Variants in PRLR observed in about 807,000 individuals in gnomAD.
The protein encoded by PRLR is prolactin receptor.
Under a neutral mutation model 40.2 loss-of-function variants are expected in PRLR, and 13 were observed. The observed-to-expected ratio is 0.32, with a 90% CI of 0.21 to 0.51. The LOEUF is 0.51. Among genes scored for constraint, PRLR ranks in the 20% least tolerant of loss-of-function variants. The pLI is 0.97. For synonymous variants in PRLR, 269 were observed against 278.7 expected (o/e 0.97, Z 0.35); for missense variants, 656 against 747.3 (o/e 0.88, Z 1.42).
In PRLR at chr5:35,086,551, C is replaced by A. The variant is rs1260571661; in HGVS notation, c.71-211G>T. On this transcript the variant is annotated intron_variant, in intron 3 of 9. Transcript: ENST00000618457. ...TGATGTTGGCATTGCTCTTAGAGAG[C>A]ATTTTGCTGGTGTGTGTGTGTGTGT... Among the ~76,000 whole-genome samples the A allele has an allele frequency of 2.0e-5, 3 of 148,810 alleles. No homozygotes were observed. In the East Asian group the frequency reaches 5.8e-4, roughly 29 times the overall value.
chr5:35,229,088 C>T (rs1483559568), intron 1 of PRLR, among the ~76,000 whole-genome samples: 1 of 149,718 alleles, frequency 6.7e-6, no homozygotes, highest in Non-Finnish European at 1.5e-5. Flanking sequence ...TTCAGCACTT[C>T]CACCTCATTA....
intron 1 of PRLR, among the ~76,000 whole-genome samples, chr5:35,137,847 T>A (rs2962111): frequency 0.21 from 31,689 of 152,120 alleles, 5,984 homozygotes; most frequent in African/African-American, 0.5. Flanking sequence ...GGGAAGCAGA[T>A]TCGCTTGAAC....
downstream of PRLR, among the ~76,000 whole-genome samples, chr5:35,055,509 AG>A (rs1473214112): frequency 6.6e-6 from 1 of 152,180 alleles, no homozygotes; most frequent in African/African-American, 2.4e-5. Context: ...GCCATGGGTG[AG>A]TGTCCTAAGA....
chr5:35,118,768 A>G (rs1358546065), intron 1 of PRLR, among the ~76,000 whole-genome samples: 1 of 152,012 alleles, frequency 6.6e-6, no homozygotes, highest in Non-Finnish European at 1.5e-5. Flanking sequence ...GGAGGCATGA[A>G]GGGACAACTG....
chr5:35,160,601 C>A (rs1160660905), intron 1 of PRLR, among the ~76,000 whole-genome samples: 1 of 152,166 alleles, frequency 6.6e-6, no homozygotes, highest in African/African-American at 2.4e-5. Context: ...AGGCTGGTCA[C>A]AAGATATGCA....
In PRLR at chr5:35,058,517, C is replaced by T. The variant is rs1185731013; in HGVS notation, c.*6572G>A. On this transcript the variant is annotated 3_prime_UTR_variant, in exon 10 of 10. Transcript: ENST00000618457. ...ATTGTACTTTAAATGTGTAACACCC[C>T]AGAGCAGCTGTACAATGAATGACAT... 4 of 152,176 alleles carry T rather than the reference C, an allele frequency of 2.6e-5. No homozygotes were observed. Among genetic ancestry groups the T allele is most frequent in the African/African-American group, 7.2e-5 (3 of 41,440 alleles). The allele number at this position is 152,176 out of a possible 1,614,324, so 9.4% of individuals were successfully genotyped here.
intron 1 of PRLR, among the ~76,000 whole-genome samples, chr5:35,214,585 T>A (rs141748734): frequency 2.6e-5 from 4 of 152,282 alleles, no homozygotes; most frequent in African/African-American, 9.6e-5. Context: ...TCAAGAGAAG[T>A]AAAACTTCCC....
intron 1 of PRLR, among the ~76,000 whole-genome samples, chr5:35,155,562 CT>C (rs1483958221): frequency 6.6e-6 from 1 of 152,166 alleles, no homozygotes; most frequent in African/African-American, 2.4e-5. Flanking sequence ...AACAAAACTT[CT>C]GTTTAAAATG....
rs892101387 is a variant in PRLR, at chr5:35,134,993, GT to G, written c.-105-16872del. Among the ~76,000 whole-genome samples, 97 of 151,838 alleles carry G rather than the reference GT, an allele frequency of 6.4e-4. 1 individual carries two copies. The highest frequency in any genetic ancestry group is 6.0e-3 in the Admixed American group (91 of 15,246). ...TCTATAACATTGGACTGAGGAACAT[GT>G]TTTTTTTCCCCTTTTAAATCTACTG... On this transcript the variant is annotated intron_variant, in intron 1 of 9. Coordinates refer to ENST00000618457, the MANE Select transcript of PRLR (RefSeq NM_000949.7).
chr5:35,098,071 A>G (rs1771644687), intron 2 of PRLR, among the ~76,000 whole-genome samples: 1 of 152,126 alleles, frequency 6.6e-6, no homozygotes, highest in Non-Finnish European at 1.5e-5. Context: ...GCATATTCCT[A>G]CCCACTGTCA....
intron 8 of PRLR, among the ~76,000 whole-genome samples, chr5:35,049,764 T>A (rs115716027): frequency 0.015 from 2,271 of 152,282 alleles, 53 homozygotes; most frequent in African/African-American, 0.051. Flanking sequence ...TTTTCTGTAC[T>A]TGACTAATTA....
intron 1 of PRLR, among the ~76,000 whole-genome samples, chr5:35,177,371 G>A (rs1408348163): frequency 6.6e-6 from 1 of 152,050 alleles, no homozygotes; most frequent in Non-Finnish European, 1.5e-5. Context: ...GTGGTTTTTG[G>A]TATATTCACA....
downstream of PRLR, among the ~76,000 whole-genome samples, chr5:35,054,374 G>A (rs1768621750): frequency 6.6e-6 from 1 of 152,168 alleles, no homozygotes; most frequent in South Asian, 2.1e-4. Context: ...TCATTGCATA[G>A]TCATTTATGG....
intron 1 of PRLR, among the ~76,000 whole-genome samples, chr5:35,167,097 C>T (rs1477690932): frequency 3.9e-5 from 6 of 152,160 alleles, no homozygotes; most frequent in Non-Finnish European, 7.4e-5. Flanking sequence ...CTTATTCACA[C>T]TAATGCTGCT....
At chr5:35,054,208 G>T (rs1476815326), downstream of PRLR, among the ~76,000 whole-genome samples, 1 of 152,218 alleles carries the variant, frequency 6.6e-6, no homozygotes, top group Non-Finnish European at 1.5e-5. Flanking sequence ...TGATGGCAAG[G>T]GTACACATCA....
At chr5:35,096,736 T>G (rs1771556325) in intron 2 of PRLR, among the ~76,000 whole-genome samples, 3 of 152,072 alleles carry the variant, frequency 2.0e-5, no homozygotes, top group Non-Finnish European at 4.4e-5. Flanking sequence ...TTCCCCTGCC[T>G]TAGTCACCAG....
At chr5:35,125,915 G>T (rs376186233) in intron 1 of PRLR, among the ~76,000 whole-genome samples, 4 of 152,136 alleles carry the variant, frequency 2.6e-5, no homozygotes, top group African/African-American at 9.7e-5. Context: ...CTTGACCTTT[G>T]AACTGTTTTC....
chr5:35,156,827 C>G (rs894959700), intron 1 of PRLR, among the ~76,000 whole-genome samples: 11 of 152,200 alleles, frequency 7.2e-5, no homozygotes, highest in African/African-American at 2.6e-4. Context: ...AGCTCCTGCC[C>G]CTGTGGCCCT....
intron 1 of PRLR, among the ~76,000 whole-genome samples, chr5:35,221,788 T>C (rs1411055879): frequency 6.6e-6 from 1 of 152,206 alleles, no homozygotes; most frequent in Non-Finnish European, 1.5e-5. Flanking sequence ...CTAAAGCTTT[T>C]GGAAATTGTT....
Sources: allele counts gnomAD v4.1 joint callset (sites outside exome capture counted in the v4.1 genomes callset), GRCh38; gene constraint gnomAD v4.1.1; transcripts MANE v1.5; gene names NCBI Gene and HGNC (gene_info 2026-07-23, HGNC 2026-07-21).